The following SLC12A7 variants were observed in gnomAD, a reference collection of about 807,000 sequenced individuals.
SLC12A7 encodes the protein K-Cl cotransporter 4.
In SLC12A7, 100 loss-of-function variants were observed where a neutral mutation model predicts 120.6. The ratio of observed to expected loss-of-function variants is 0.83; its 90% CI spans 0.71 to 0.98. The LOEUF (loss-of-function observed/expected upper bound fraction) is 0.98, where lower values mean the gene tolerates loss of function less well. SLC12A7 is among the 50% of genes least tolerant of loss of function. SLC12A7 has a pLI of 0.00. For synonymous variants in SLC12A7, 760 were observed against 678.0 expected (o/e 1.12, Z -1.88); for missense variants, 1,373 against 1,548.1 (o/e 0.89, Z 1.90).
At chr5:1,057,045 C>T (rs1351350332) in intron 22 of SLC12A7, among the ~76,000 whole-genome samples, 4 of 152,208 alleles carry the variant, frequency 2.6e-5, no homozygotes, top group South Asian at 2.1e-4. Flanking sequence ...CAGGCCTGGC[C>T]GCAGGGCTGA....
In SLC12A7 at chr5:1,076,706, G is replaced by A. The variant is rs372677409; in HGVS notation, c.1736C>T (p.Pro579Leu). ...ILIASLDSVA[P>L]ILSMFFLMCY... ...TGTGGGGGCTCACATGGAGAGGATC[G>A]GGGCCACGCTGTCCAGAGAGGCGAT... The change falls in exon 13 of 24, where the codon CCG (proline) becomes CTG (leucine). Residue 579 changes from proline (P) to leucine (L), a missense_variant. Pro to Leu is a moderately conservative substitution (Grantham distance 98, BLOSUM62 -3). Transcript: ENST00000264930. The A allele has an allele frequency of 1.2e-5, 19 of 1,610,096 alleles. No individual in the cohort carries two copies. Among genetic ancestry groups the A allele is most frequent in the East Asian group, 2.2e-5 (1 of 44,846 alleles).
chr5:1,094,273 G>A lies in SLC12A7; in HGVS notation c.125-25C>T, dbSNP rs773541970. Reference sequence around the variant, plus strand: ...CCTAGTGAGGGAAAAACAATTCAGAGTCAGCTTAGAAGGAACTAAAAGCAA... The same window carrying A: ...CCTAGTGAGGGAAAAACAATTCAGAATCAGCTTAGAAGGAACTAAAAGCAA... On this transcript the variant is annotated intron_variant, in intron 1 of 23. Transcript: ENST00000264930. The A allele has an allele frequency of 1.6e-5, 26 of 1,581,966 alleles. No homozygotes were observed. The Admixed American group carries it at 3.7e-4, about 22-fold the overall frequency.
the SLC12A7 span, among the ~76,000 whole-genome samples, chr5:1,148,681 T>G: frequency 1.3e-5 from 2 of 152,188 alleles, no homozygotes; most frequent in Non-Finnish European, 2.9e-5. Context: ...CAGTGGGTTT[T>G]GTAAAGTGGG....
intron 21 of SLC12A7, among the ~76,000 whole-genome samples, chr5:1,059,950 C>T (rs558277615): frequency 3.5e-4 from 53 of 152,356 alleles, no homozygotes; most frequent in African/African-American, 9.6e-4. Flanking sequence ...GGCACTCATC[C>T]GGCTCAGAAG....
At chr5:1,112,075 G>C (rs1743068167), upstream of SLC12A7, 1 of 1,188,934 alleles carries the variant, frequency 8.4e-7, no homozygotes, top group Non-Finnish European at 1.0e-6. Flanking sequence ...GGAGGCAGGG[G>C]CGGGGTCCGA....
chr5:1,115,178 T>C (rs1743265764), upstream of SLC12A7, among the ~76,000 whole-genome samples: 1 of 152,256 alleles, frequency 6.6e-6, no homozygotes. Flanking sequence ...TCATCTGCGA[T>C]GGCCTCTTGG....
Position 1,060,956 on chromosome 5 carries a change from T to C in SLC12A7, c.2740-505A>G, listed in dbSNP as rs1452894812. Among the ~76,000 whole-genome samples, 7 of 146,430 alleles carry C rather than the reference T, an allele frequency of 4.8e-5. 1 individual carries two copies. In the South Asian group the frequency reaches 1.6e-3, roughly 33 times the overall value. On this transcript the variant is annotated intron_variant, in intron 20 of 23. Transcript: ENST00000264930. The stretch of plus-strand genomic sequence containing the variant: ...GGACCCCTGCGCCTCACCCGGAACA[T>C]CCACAGTGTGGGACTGCTGCGTCTC...
At chr5:1,141,513 C>T in the SLC12A7 span, among the ~76,000 whole-genome samples, 1 of 152,270 alleles carries the variant, frequency 6.6e-6, no homozygotes, top group African/African-American at 2.4e-5. Flanking sequence ...CTGTGCTCTC[C>T]CCTGGCTTGT....
the SLC12A7 span, among the ~76,000 whole-genome samples, chr5:1,118,863 G>A: frequency 3.3e-5 from 5 of 152,228 alleles, no homozygotes; most frequent in Admixed American, 6.5e-5. Flanking sequence ...AGGTGTGGGC[G>A]TGTCTCGCTG....
Position 1,077,997 on chromosome 5 carries a change from C to T in SLC12A7, c.1465G>A (p.Ala489Thr), listed in dbSNP as rs1738565318. Reference sequence around the variant, plus strand: ...CCGATGACCAGGTTCCCCTGCAGGGCCTCCCCGAACCTGCAGGCAGGCGGG... The same window carrying T: ...CCGATGACCAGGTTCCCCTGCAGGGTCTCCCCGAACCTGCAGGCAGGCGGG... ...GVVLRDKFGE[A>T]LQGNLVIGML... Residue 489 changes from alanine to threonine, a missense_variant, in exon 12 of 24, where the codon GCC (alanine) becomes ACC (threonine). Ala to Thr is a moderately conservative substitution (Grantham distance 58, BLOSUM62 0). Coordinates refer to ENST00000264930, the MANE Select transcript of SLC12A7 (RefSeq NM_006598.3). 2 of 1,566,944 alleles carry T rather than the reference C, an allele frequency of 1.3e-6. No homozygotes were observed. Among genetic ancestry groups the T allele is most frequent in the East Asian group, 2.4e-5 (1 of 42,118 alleles).
At chr5:1,115,300 T>C (rs1743271665), upstream of SLC12A7, among the ~76,000 whole-genome samples, 1 of 152,148 alleles carries the variant, frequency 6.6e-6, no homozygotes, top group African/African-American at 2.4e-5. Flanking sequence ...CCTGCCACCC[T>C]GGGGTGGAGT....
intron 20 of SLC12A7, among the ~76,000 whole-genome samples, chr5:1,061,578 G>A (rs113598600): frequency 2.0e-5 from 3 of 151,202 alleles, no homozygotes; most frequent in Non-Finnish European, 4.4e-5. Context: ...CCCGCCGTGC[G>A]GGATCCCTGT....
chr5:1,078,617 G>T, intron 11 of SLC12A7, 84 bp downstream of exon 11: 1 of 1,114,290 alleles, frequency 9.0e-7, no homozygotes, highest in Non-Finnish European at 1.4e-6. Flanking sequence ...GTCCTAGGGC[G>T]ATGTAATTTC....
At chr5:1,088,458 A>G in intron 4 of SLC12A7, 98 bp from the exon 5 acceptor site, 3 of 1,312,532 alleles carry the variant, frequency 2.3e-6, no homozygotes, top group South Asian at 1.3e-5. Context: ...CTCCCGCCGA[A>G]TGCCAGCCCC....
At chr5:1,132,121 C>T in the SLC12A7 span, among the ~76,000 whole-genome samples, 1 of 152,170 alleles carries the variant, frequency 6.6e-6, no homozygotes, top group South Asian at 2.1e-4. Context: ...CAGTACCCAC[C>T]AAAACCAAGG....
the SLC12A7 span, among the ~76,000 whole-genome samples, chr5:1,127,839 T>C: frequency 6.6e-6 from 1 of 152,194 alleles, no homozygotes; most frequent in Admixed American, 6.5e-5. Flanking sequence ...TTGAAGTCTT[T>C]CAGAGAATTT....
chr5:1,097,801 A>G (rs1423812066), intron 1 of SLC12A7, among the ~76,000 whole-genome samples: 2 of 152,160 alleles, frequency 1.3e-5, no homozygotes, highest in East Asian at 1.9e-4. Flanking sequence ...AAGCAGCCTC[A>G]GAGCATGATT....
At chr5:1,141,814 T>C in the SLC12A7 span, among the ~76,000 whole-genome samples, 1 of 152,004 alleles carries the variant, frequency 6.6e-6, no homozygotes. Context: ...GACAAGAGGG[T>C]TCGCCGGGAC....
intron 1 of SLC12A7, among the ~76,000 whole-genome samples, chr5:1,105,814 CCA>C (rs1448551177): frequency 5.9e-5 from 9 of 152,188 alleles, no homozygotes; most frequent in Admixed American, 5.9e-4. Flanking sequence ...TCACCAGGCC[CCA>C]GACACCCCCA....
Sources: allele counts gnomAD v4.1 joint callset (sites outside exome capture counted in the v4.1 genomes callset), GRCh38; gene constraint gnomAD v4.1.1; transcripts MANE v1.5; gene names NCBI Gene and HGNC (gene_info 2026-07-23, HGNC 2026-07-21).